Variants in FIGN observed in about 807,000 individuals in gnomAD.
The protein encoded by FIGN is fidgetin, microtubule severing factor.
A neutral mutation model predicts 51.3 loss-of-function variants in FIGN; 11 were observed. That is an observed-to-expected ratio of 0.21 (90% confidence interval 0.13 to 0.35). The LOEUF is 0.35. Among genes scored for constraint, FIGN ranks in the 10% least tolerant of loss-of-function variants. The probability of loss-of-function intolerance (pLI) is 1.00; values close to 1 mark genes in which losing one functional copy is unlikely to be tolerated. For synonymous variants in FIGN, 407 were observed against 363.2 expected, an observed-to-expected ratio of 1.12 and a Z score of -1.37; for missense variants, 857 against 943.6, an observed-to-expected ratio of 0.91 and a Z score of 1.20.
At chr2:163,612,783 GAA>G (rs1682784400) in intron 2 of FIGN, among the ~76,000 whole-genome samples, 1 of 124,598 alleles carries the variant, frequency 8.0e-6, no homozygotes, top group Non-Finnish European at 1.6e-5. Context: ...ATATGAGAGA[GAA>G]AGAGAGAGAG....
At chr2:163,724,633 A>G (rs917145314) in intron 2 of FIGN, among the ~76,000 whole-genome samples, 42 of 152,268 alleles carry the variant, frequency 2.8e-4, no homozygotes, top group African/African-American at 1.0e-3. Context: ...AAAGTATTCA[A>G]TGATTTCAAC....
At chr2:163,663,968 T>A (rs1409125760) in intron 2 of FIGN, among the ~76,000 whole-genome samples, 4 of 152,108 alleles carry the variant, frequency 2.6e-5, no homozygotes, top group Non-Finnish European at 5.9e-5. Context: ...ACAAAGATAG[T>A]TTAAAGACTA....
chr2:163,661,860 C>T (rs925404879), intron 2 of FIGN, among the ~76,000 whole-genome samples: 3 of 152,178 alleles, frequency 2.0e-5, no homozygotes, highest in African/African-American at 7.2e-5. Flanking sequence ...TCTGAGGCCT[C>T]CCCAGCCATG....
chr2:163,609,249 C>T lies in FIGN; in HGVS notation c.*303G>A, dbSNP rs1357195050. On this transcript the variant is annotated 3_prime_UTR_variant, in exon 3 of 3. Coordinates refer to ENST00000333129, the MANE Select transcript of FIGN (RefSeq NM_018086.4). ...AGAACAGCAGAATGGAATCAACACA[C>T]GAGGTTCATGTCCTTCTGAAATCAA... The T allele has an allele frequency of 1.3e-5, 4 of 315,054 alleles. No individual in the cohort carries two copies. The highest frequency in any genetic ancestry group is 2.1e-5 in the African/African-American group (1 of 46,774). The allele number at this position is 315,054 out of a possible 1,614,324, so 19.5% of individuals were successfully genotyped here.
intron 2 of FIGN, among the ~76,000 whole-genome samples, chr2:163,631,458 A>G (rs1683144513): frequency 6.6e-6 from 1 of 152,074 alleles, no homozygotes. Context: ...TGATTCCCTA[A>G]GATAAGCTAT....
chr2:163,642,080 T>C (rs1411849948), intron 2 of FIGN, among the ~76,000 whole-genome samples: 1 of 152,244 alleles, frequency 6.6e-6, no homozygotes, highest in East Asian at 1.9e-4. Flanking sequence ...TGTGAAATAT[T>C]CCTTTTCCAA....
intron 2 of FIGN, among the ~76,000 whole-genome samples, chr2:163,689,466 A>G (rs1204712459): frequency 1.1e-4 from 17 of 152,170 alleles, no homozygotes. Context: ...CATGCCTTAG[A>G]CAATCAGAAA....
chr2:163,731,019 C>T (rs1287309407), intron 2 of FIGN, among the ~76,000 whole-genome samples: 1 of 151,980 alleles, frequency 6.6e-6, no homozygotes, highest in African/African-American at 2.4e-5. Flanking sequence ...CCTTAAAAGC[C>T]TGCAATTGTT....
intron 2 of FIGN, among the ~76,000 whole-genome samples, chr2:163,709,382 G>A (rs997421055): frequency 2.0e-5 from 3 of 152,110 alleles, no homozygotes; most frequent in African/African-American, 7.2e-5. Context: ...ACATTATTAA[G>A]TAAATAAATG....
intron 2 of FIGN, among the ~76,000 whole-genome samples, chr2:163,673,748 T>C (rs13393588): frequency 0.052 from 7,884 of 152,038 alleles, 655 homozygotes; most frequent in African/African-American, 0.17. Context: ...TGTAGTGTGG[T>C]GGTAATAGAG....
intron 2 of FIGN, among the ~76,000 whole-genome samples, chr2:163,680,317 CT>C (rs1248029511): frequency 6.6e-6 from 1 of 152,204 alleles, no homozygotes; most frequent in East Asian, 1.9e-4. Context: ...CTACCTTCTT[CT>C]GGAATACATC....
At position 163,609,478 on chromosome 2, in the gene FIGN, G is replaced by A. The variant is rs944325996; in HGVS notation, c.*74C>T. On this transcript the variant is annotated 3_prime_UTR_variant, in exon 3 of 3. Coordinates refer to ENST00000333129, the MANE Select transcript of FIGN (RefSeq NM_018086.4). Reference sequence around the variant, plus strand: ...GCAATTTAAACTCTACTGGAAAGGGGCTCTATTCCCTATGTAGCAGGTTTT... The same window carrying A: ...GCAATTTAAACTCTACTGGAAAGGGACTCTATTCCCTATGTAGCAGGTTTT... The A allele has an allele frequency of 2.3e-6, 3 of 1,288,850 alleles. No individual in the cohort carries two copies. Among genetic ancestry groups the A allele is most frequent in the African/African-American group, 3.0e-5 (2 of 67,776 alleles). 79.8% of individuals were successfully genotyped at this position (1,288,850 alleles called of 1,614,324 possible).
At chr2:163,662,040 T>C (rs910666911) in intron 2 of FIGN, among the ~76,000 whole-genome samples, 5 of 151,832 alleles carry the variant, frequency 3.3e-5, no homozygotes, top group African/African-American at 1.2e-4. Flanking sequence ...CAGGCAGAGG[T>C]TGGAAGAGTT....
chr2:163,726,179 G>A (rs1048021524), intron 2 of FIGN, among the ~76,000 whole-genome samples: 1 of 152,040 alleles, frequency 6.6e-6, no homozygotes, highest in Admixed American at 6.6e-5. Flanking sequence ...TGTCAGACAA[G>A]GATACAGGCC....
chr2:163,670,813 A>C (rs184314870), intron 2 of FIGN, among the ~76,000 whole-genome samples: 2 of 152,350 alleles, frequency 1.3e-5, no homozygotes, highest in African/African-American at 4.8e-5. Context: ...TAAACACCTG[A>C]TCTAAAGCAG....
intron 2 of FIGN, among the ~76,000 whole-genome samples, chr2:163,668,356 A>T: frequency 6.6e-6 from 1 of 152,160 alleles, no homozygotes; most frequent in East Asian, 1.9e-4. Flanking sequence ...AAACCAGGAG[A>T]CTGTGATCAC....
chr2:163,718,068 G>T (rs1317482754), intron 2 of FIGN, among the ~76,000 whole-genome samples: 1 of 151,988 alleles, frequency 6.6e-6, no homozygotes, highest in Non-Finnish European at 1.5e-5. Flanking sequence ...GGGGGAGGGG[G>T]GAGAGTGTGT....
intron 2 of FIGN, among the ~76,000 whole-genome samples, chr2:163,667,008 G>A (rs1433747993): frequency 2.0e-5 from 3 of 151,630 alleles, no homozygotes; most frequent in East Asian, 1.9e-4. Flanking sequence ...AATGTATACC[G>A]TATTTATCAA....
intron 2 of FIGN, among the ~76,000 whole-genome samples, chr2:163,678,588 T>C (rs959381774): frequency 6.6e-6 from 1 of 152,164 alleles, no homozygotes; most frequent in African/African-American, 2.4e-5. Context: ...TTGCTTTTAA[T>C]TAGAACTATT....
Sources: allele counts gnomAD v4.1 joint callset (sites outside exome capture counted in the v4.1 genomes callset), GRCh38; gene constraint gnomAD v4.1.1; transcripts MANE v1.5; gene names NCBI Gene and HGNC (gene_info 2026-07-23, HGNC 2026-07-21).